Variants in PLEKHA6 observed in about 807,000 individuals in gnomAD.
PLEKHA6 encodes the protein pleckstrin homology domain-containing family A member 6.
A neutral mutation model predicts 116.7 loss-of-function variants in PLEKHA6; 60 were observed. The ratio of observed to expected loss-of-function variants is 0.51; its 90% CI spans 0.42 to 0.64. The LOEUF is 0.64. PLEKHA6 is among the 30% of genes least tolerant of loss of function. PLEKHA6 has a pLI of 0.00. For synonymous variants in PLEKHA6, 489 were observed against 556.1 expected (o/e 0.88, Z 1.70); for missense variants, 1,338 against 1,422.7 (o/e 0.94, Z 0.96).
At chr1:204,376,710 G>A (rs1673876870) in intron 1 of PLEKHA6, among the ~76,000 whole-genome samples, 1 of 152,154 alleles carries the variant, frequency 6.6e-6, no homozygotes, top group African/African-American at 2.4e-5. Flanking sequence ...CTGGACCTCA[G>A]TTCCCCATTT....
intron 1 of PLEKHA6, among the ~76,000 whole-genome samples, chr1:204,289,323 C>A (rs1669511917): frequency 6.6e-6 from 1 of 152,190 alleles, no homozygotes; most frequent in Admixed American, 6.5e-5. Context: ...TCCCTACACA[C>A]CCACAATTAA....
At chr1:204,357,750 G>T (rs1673455365) in intron 1 of PLEKHA6, among the ~76,000 whole-genome samples, 1 of 152,240 alleles carries the variant, frequency 6.6e-6, no homozygotes, top group South Asian at 2.1e-4. Context: ...AGCACCAGTT[G>T]ACACCACGCT....
intron 1 of PLEKHA6, among the ~76,000 whole-genome samples, chr1:204,321,380 G>C (rs1377350295): frequency 7.9e-5 from 12 of 151,872 alleles, no homozygotes. Flanking sequence ...ATTAAGTTCA[G>C]CCTCCTGTGT....
Position 204,327,169 on chromosome 1 carries a change from C to T in PLEKHA6, c.-95+32525G>A, listed in dbSNP as rs116448763. On this transcript the variant is annotated intron_variant, in intron 1 of 22. Transcript: ENST00000272203. ...GCTCAAGGATGTAACAGGCGCGAGC[C>T]CAGTGAAACAGAAATACAGTATTTC... 6.8e-3 allele frequency: 1,217 copies of T among 178,406 alleles called. 12 individuals carry two copies. The highest frequency in any genetic ancestry group is 0.026 in the African/African-American group (1,082 of 42,068). 11.1% of individuals were successfully genotyped at this position (178,406 alleles called of 1,614,324 possible).
intron 1 of PLEKHA6, among the ~76,000 whole-genome samples, chr1:204,315,653 C>G (rs1442460420): frequency 6.6e-6 from 1 of 152,180 alleles, no homozygotes; most frequent in Admixed American, 6.5e-5. Flanking sequence ...CTAGAAATGT[C>G]CTGAGCATGA....
chr1:204,348,714 A>ACCCCCCCCCCCTCT (rs3038282), intron 1 of PLEKHA6, among the ~76,000 whole-genome samples: 5 of 136,632 alleles, frequency 3.7e-5, no homozygotes, highest in South Asian at 2.3e-4. Flanking sequence ...CAGGTGCCAA[A>ACCCCCCCCCCCTCT]CCCCCCCCCC....
At position 204,244,972 on chromosome 1, in the gene PLEKHA6, G is replaced by A; in HGVS notation, c.2064C>T (p.Ser688=). 1.4e-6 allele frequency: 2 copies of A among 1,460,804 alleles called. No homozygotes were observed. Among genetic ancestry groups the A allele is most frequent in the Non-Finnish European group, 1.8e-6 (2 of 1,105,302 alleles). 90.5% of individuals were successfully genotyped at this position (1,460,804 alleles called of 1,614,324 possible). Residue 688 remains serine, a synonymous_variant, in exon 15 of 23, where the codon TCC becomes TCT. Coordinates refer to ENST00000272203, the MANE Select transcript of PLEKHA6 (RefSeq NM_014935.5). ...GGLGPSATYS[S]NSPASPLSSA... is the part of the protein sequence containing the mutation. Reference sequence around the variant, plus strand: ...AGCTGAGGGGGCTGGCCGGGCTGTTGGAGCTGTAGGTGGCTGAGGGGCCAA... The same window carrying A: ...AGCTGAGGGGGCTGGCCGGGCTGTTAGAGCTGTAGGTGGCTGAGGGGCCAA...
At chr1:204,229,400 TG>T (rs1345236016) in intron 18 of PLEKHA6, among the ~76,000 whole-genome samples, 1 of 152,222 alleles carries the variant, frequency 6.6e-6, no homozygotes, top group Non-Finnish European at 1.5e-5. Flanking sequence ...TGAATTAGTG[TG>T]ACTTGTATTG....
chr1:204,312,603 G>A (rs561395305), intron 1 of PLEKHA6, among the ~76,000 whole-genome samples: 5 of 152,252 alleles, frequency 3.3e-5, no homozygotes, highest in South Asian at 4.1e-4. Flanking sequence ...ACCTTTTCTC[G>A]GCAGCGCTGC....
chr1:204,279,080 G>GAAGGT (rs1171994315), intron 1 of PLEKHA6, among the ~76,000 whole-genome samples: 7 of 152,196 alleles, frequency 4.6e-5, no homozygotes, highest in African/African-American at 1.7e-4. Flanking sequence ...ACCTTCAGTA[G>GAAGGT]GACGGGAAGA....
At chr1:204,224,151 A>T (rs1030204431) in intron 21 of PLEKHA6, among the ~76,000 whole-genome samples, 4 of 151,786 alleles carry the variant, frequency 2.6e-5, no homozygotes, top group African/African-American at 9.7e-5. Flanking sequence ...AACACTTGAG[A>T]CCCCCTTTTC....
At chr1:204,331,960 G>T (rs1005937253) in intron 1 of PLEKHA6, among the ~76,000 whole-genome samples, 1 of 152,104 alleles carries the variant, frequency 6.6e-6, no homozygotes, top group African/African-American at 2.4e-5. Context: ...GCCTAGAAAG[G>T]TGTGCAGGAG....
intron 1 of PLEKHA6, chr1:204,309,822 T>A: frequency 2.8e-6 from 1 of 357,752 alleles, no homozygotes; most frequent in Non-Finnish European, 3.9e-6. Flanking sequence ...ATGTAAAGGG[T>A]TAGATATATA....
Position 204,304,821 on chromosome 1 carries a change from G to A in PLEKHA6, c.-94-30012C>T, listed in dbSNP as rs190389654. On this transcript the variant is annotated intron_variant, in intron 1 of 22. Transcript: ENST00000272203. Reference sequence around the variant, plus strand: ...CCTTCTAGAAAACCTGAGTAGGGCAGGTATGGAAGGGAGGGGGAAATTAAT... The same window carrying A: ...CCTTCTAGAAAACCTGAGTAGGGCAAGTATGGAAGGGAGGGGGAAATTAAT... 1.8e-3 allele frequency among the ~76,000 whole-genome samples: 269 copies of A among 152,214 alleles called. 1 individual carries two copies. The highest frequency in any genetic ancestry group is 1.8e-3 in the Non-Finnish European group (122 of 68,008).
chr1:204,297,937 C>T (rs189415922), intron 1 of PLEKHA6: 1 of 979,918 alleles, frequency 1.0e-6, no homozygotes, highest in East Asian at 1.1e-4. Context: ...CTGTCCTCCC[C>T]CTACTCCTCA....
chr1:204,263,172 C>A (rs1299654328), intron 6 of PLEKHA6, among the ~76,000 whole-genome samples: 1 of 152,144 alleles, frequency 6.6e-6, no homozygotes, highest in Non-Finnish European at 1.5e-5. Context: ...GGCACAGGGA[C>A]AAGTGCTGTG....
intron 1 of PLEKHA6, among the ~76,000 whole-genome samples, chr1:204,338,453 GA>G (rs1160064499): frequency 1.3e-5 from 2 of 152,184 alleles, no homozygotes; most frequent in African/African-American, 4.8e-5. Context: ...AGTTCAACAG[GA>G]AGTGCAGTCT....
chr1:204,267,638 T>C (rs1443919061), intron 4 of PLEKHA6, 91 bp from the exon 5 acceptor site: 2 of 1,087,048 alleles, frequency 1.8e-6, no homozygotes, highest in African/African-American at 3.1e-5. Flanking sequence ...GTGCCAATTA[T>C]AAGGACATCC....
chr1:204,235,435 G>T (rs1471235150), intron 17 of PLEKHA6, among the ~76,000 whole-genome samples: 2 of 152,156 alleles, frequency 1.3e-5, no homozygotes, highest in Admixed American at 1.3e-4. Context: ...TGAACTCAGG[G>T]ATTCTATCTC....
Sources: allele counts gnomAD v4.1 joint callset (sites outside exome capture counted in the v4.1 genomes callset), GRCh38; gene constraint gnomAD v4.1.1; transcripts MANE v1.5; gene names NCBI Gene and HGNC (gene_info 2026-07-23, HGNC 2026-07-21).